The following NPRL3 variants were observed in gnomAD, a reference collection of about 807,000 sequenced individuals.
NPRL3 encodes the protein NPR3 like, GATOR1 complex subunit.
Under a neutral mutation model 57.2 loss-of-function variants are expected in NPRL3, and 23 were observed. The ratio of observed to expected loss-of-function variants is 0.40; its 90% CI spans 0.29 to 0.57. The LOEUF (loss-of-function observed/expected upper bound fraction) is 0.57, where lower values mean the gene tolerates loss of function less well. Ranked by LOEUF, NPRL3 falls within the 20% of genes least tolerant of loss-of-function variation. The pLI is 0.42. For synonymous variants in NPRL3, 333 were observed against 321.1 expected (o/e 1.04, Z -0.39); for missense variants, 691 against 767.1 (o/e 0.90, Z 1.17).
chr16:121,510 G>C (rs1379335834), intron 3 of NPRL3, among the ~76,000 whole-genome samples: 1 of 151,972 alleles, frequency 6.6e-6, no homozygotes, highest in Non-Finnish European at 1.5e-5. Flanking sequence ...GTCCCAGCTA[G>C]TCGGGAGGCT....
chr16:87,383 G>A (rs937808016), intron 13 of NPRL3, among the ~76,000 whole-genome samples: 4 of 151,774 alleles, frequency 2.6e-5, no homozygotes, highest in African/African-American at 7.3e-5. Context: ...ACAGGAGTGC[G>A]CTACCACACC....
chr16:133,400 A>AT (rs145879888), intron 2 of NPRL3, among the ~76,000 whole-genome samples: 4,331 of 145,816 alleles, frequency 0.03, 195 homozygotes, highest in African/African-American at 0.1. Flanking sequence ...TAATTTTTGT[A>AT]TTTTTTTTTT....
rs1451676001 is a variant in NPRL3, at chr16:138,282, G to C, written c.-15C>G. 3.2e-6 allele frequency: 5 copies of C among 1,580,546 alleles called. No individual in the cohort carries two copies. The highest frequency in any genetic ancestry group is 4.3e-6 in the Non-Finnish European group (5 of 1,164,026). On this transcript the variant is annotated 5_prime_UTR_variant, in exon 2 of 14. Coordinates refer to ENST00000611875, the MANE Select transcript of NPRL3 (RefSeq NM_001077350.3). ...TTGTCCCGCATCCCGCCGTGGGGCC[G>C]GGGCCGGGGGCGGAGGGGGCCAGAG... is the stretch of plus-strand genomic sequence containing the variant.
intron 5 of NPRL3, among the ~76,000 whole-genome samples, chr16:113,383 C>G (rs565371097): frequency 6.6e-6 from 1 of 152,354 alleles, no homozygotes; most frequent in South Asian, 2.1e-4. Flanking sequence ...CACTGGTTAA[C>G]AAGAAAACCA....
chr16:93,094 G>T, intron 10 of NPRL3, 125 bp downstream of exon 10: 1 of 704,590 alleles, frequency 1.4e-6, no homozygotes, highest in Non-Finnish European at 2.5e-6. Flanking sequence ...TGAAGTGAGA[G>T]CCTGGCCTTG....
chr16:103,796 T>C (rs1371914560), intron 7 of NPRL3, among the ~76,000 whole-genome samples: 1 of 152,024 alleles, frequency 6.6e-6, no homozygotes, highest in South Asian at 2.1e-4. Flanking sequence ...CTGGCCAACA[T>C]GGTGAAACCC....
intron 7 of NPRL3, among the ~76,000 whole-genome samples, chr16:107,240 GCTC>G (rs753136256): frequency 6.6e-6 from 1 of 152,176 alleles, no homozygotes; most frequent in Non-Finnish European, 1.5e-5. Context: ...CAAGTTCTGA[GCTC>G]CTCCGCAGCC....
chr16:109,130 A>G (rs1421140206), intron 7 of NPRL3, among the ~76,000 whole-genome samples: 1 of 151,864 alleles, frequency 6.6e-6, no homozygotes, highest in Admixed American at 6.6e-5. Flanking sequence ...CCACACTCAG[A>G]TATTTTTTAA....
At chr16:88,941 G>A in intron 12 of NPRL3, 51 bp from the exon 13 acceptor site, 1 of 1,556,494 alleles carries the variant, frequency 6.4e-7, no homozygotes, top group South Asian at 1.1e-5. Flanking sequence ...GGACACCCAG[G>A]GGAACAGCGA....
chr16:86,945 G>T, intron 13 of NPRL3, 75 bp from the exon 14 acceptor site: 1 of 1,451,276 alleles, frequency 6.9e-7, no homozygotes, highest in Non-Finnish European at 9.4e-7. Context: ...CCACTGCTGG[G>T]AATCAGCTCT....
intron 3 of NPRL3, among the ~76,000 whole-genome samples, chr16:122,985 A>G (rs574793446): frequency 1.3e-5 from 2 of 152,226 alleles, no homozygotes; most frequent in South Asian, 2.1e-4. Context: ...GACAAGCACC[A>G]TATCAATTCC....
chr16:120,753 C>G lies in NPRL3; in HGVS notation c.189-1498G>C, dbSNP rs116448218. Among the ~76,000 whole-genome samples the G allele has an allele frequency of 3.0e-3, 452 of 152,294 alleles. 2 individuals are homozygous for G. The highest frequency in any genetic ancestry group is 0.01 in the African/African-American group (424 of 41,556). On this transcript the variant is annotated intron_variant, in intron 3 of 13. Transcript: ENST00000611875. The stretch of plus-strand genomic sequence containing the variant: ...CAGCCAAGTCCTCAGCAGCCCACTG[C>G]AGGTCTCTCCTGCAGAGATGGAGGA...
chr16:89,744 G>A lies in NPRL3; in HGVS notation c.1320C>T (p.Ser440=), dbSNP rs759654159. The change falls in exon 12 of 14, where the codon AGC becomes AGT. Residue 440 remains serine, a synonymous_variant. Coordinates refer to ENST00000611875, the MANE Select transcript of NPRL3 (RefSeq NM_001077350.3). The part of the protein sequence containing the change: ...FTARVGGRSL[S]TPNALSFGSP... ...AGCCAAAGCTGAGGGCGTTGGGCGT[G>A]CTGAGGCTGCGACCGCCGACCCGGG... The A allele has an allele frequency of 6.3e-7, 1 of 1,595,110 alleles. No individual in the cohort carries two copies.
chr16:102,449 G>A (rs184687116), intron 7 of NPRL3, among the ~76,000 whole-genome samples: 21 of 152,316 alleles, frequency 1.4e-4, no homozygotes, highest in Admixed American at 5.9e-4. Flanking sequence ...CACAGGGAAC[G>A]CAGCCTGTGA....
intron 3 of NPRL3, among the ~76,000 whole-genome samples, chr16:128,006 T>TTA (rs1900620722): frequency 6.6e-6 from 1 of 151,412 alleles, no homozygotes; most frequent in African/African-American, 2.4e-5. Context: ...TTTTTTTTTT[T>TTA]TTTGAGACAG....
intron 7 of NPRL3, among the ~76,000 whole-genome samples, chr16:109,454 G>A (rs545394382): frequency 1.1e-4 from 16 of 152,308 alleles, no homozygotes; most frequent in African/African-American, 3.1e-4. Flanking sequence ...TTGAGTGACT[G>A]GAGTCAGTGA....
chr16:127,763 T>C (rs1049706273), intron 3 of NPRL3, among the ~76,000 whole-genome samples: 1 of 151,032 alleles, frequency 6.6e-6, no homozygotes, highest in African/African-American at 2.4e-5. Context: ...CACGCCATTC[T>C]CCTGCCTCAG....
rs545164682 is a variant in NPRL3 at position 93,371 on chromosome 16, C to T, written c.925-46G>A. 79 of 1,299,772 alleles carry T rather than the reference C, an allele frequency of 6.1e-5. No individual in the cohort carries two copies. The African/African-American group carries it at 9.3e-4, about 15-fold the overall frequency. 80.5% of individuals were successfully genotyped at this position (1,299,772 alleles called of 1,614,324 possible). Reference sequence around the variant, plus strand: ...GCAAGGACCATGCCTGAGGCTGGCCCACCGGGAGCTGTCAGCAGCTCTCAG... The same window carrying T: ...GCAAGGACCATGCCTGAGGCTGGCCTACCGGGAGCTGTCAGCAGCTCTCAG... On this transcript the variant is annotated intron_variant, in intron 9 of 13. Transcript: ENST00000611875.
At chr16:124,836 G>A (rs1268867837) in intron 3 of NPRL3, 2 of 152,306 alleles carry the variant, frequency 1.3e-5, no homozygotes, top group African/African-American at 2.4e-5. Context: ...TAGCACTTTG[G>A]GAGGCCGAGG....
Sources: allele counts gnomAD v4.1 joint callset (sites outside exome capture counted in the v4.1 genomes callset), GRCh38; gene constraint gnomAD v4.1.1; transcripts MANE v1.5; gene names NCBI Gene and HGNC (gene_info 2026-07-23, HGNC 2026-07-21).